The following ZNF282 variants were observed in gnomAD, a reference collection of about 807,000 sequenced individuals.
The protein encoded by ZNF282 is zinc finger protein 282.
Under a neutral mutation model 61.9 loss-of-function variants are expected in ZNF282, and 30 were observed. The observed-to-expected ratio is 0.48, with a 90% confidence interval of 0.36 to 0.66. The LOEUF is 0.66. Among genes scored for constraint, ZNF282 ranks in the 30% least tolerant of loss-of-function variants. The pLI is 0.00. For missense variants in ZNF282, 788 were observed against 941.4 expected (o/e 0.84, Z 2.13); for synonymous variants, 396 against 405.0 (o/e 0.98, Z 0.27).
chr7:149,224,176 C>G lies in ZNF282; in HGVS notation c.1545C>G (p.Ser515Arg). Residue 515 changes from serine to arginine, a missense_variant, in exon 8 of 8, where the codon AGC (serine) becomes AGG (arginine). By Grantham distance (110) the Ser-to-Arg change is moderately radical (BLOSUM62 -1). Transcript: ENST00000610704. ...RRSLLLHGAR[S>R]KPYSCPECGK... ...GCCTCCTCCTGCACGGCGCCCGCAG[C>G]AAGCCCTACTCGTGCCCCGAGTGCG... 6.3e-7 allele frequency: 1 copy of G among 1,598,388 alleles called. No individual in the cohort carries two copies. The highest frequency in any genetic ancestry group is 8.5e-7 in the Non-Finnish European group (1 of 1,177,324).
chr7:149,223,863 A>G lies in ZNF282; in HGVS notation c.1232A>G (p.Gln411Arg). The G allele has an allele frequency of 7.4e-7, 1 of 1,349,626 alleles. No individual in the cohort carries two copies. The highest frequency in any genetic ancestry group is 3.2e-5 in the East Asian group (1 of 31,526). 83.6% of individuals were successfully genotyped at this position (1,349,626 alleles called of 1,614,324 possible). Residue 411 changes from glutamine to arginine, a missense_variant, in exon 8 of 8, where the codon CAG becomes CGG. Coordinates refer to ENST00000610704, the MANE Select transcript of ZNF282 (RefSeq NM_003575.4). ...CCACCCCCGGCCCCGCCACAGCCCC[A>G]GCCCCAGCCCCAGCCACCGCAGCCG... ...KNPPPAPPQP[Q>R]PQPQPPQPQL...
In ZNF282 at chr7:149,226,034, GGGCAGCC is replaced by G. The variant is rs1796367657; in HGVS notation, c.*1392_*1398del. ...CGTTCCTCCCAGCCGGGATCACAGT[GGGCAGCC>G]GGCACCCGGCACCACTTTGGCGAGC... On this transcript the variant is annotated 3_prime_UTR_variant, in exon 8 of 8. Coordinates refer to ENST00000610704, the MANE Select transcript of ZNF282 (RefSeq NM_003575.4). 2 of 152,664 alleles carry G rather than the reference GGGCAGCC, an allele frequency of 1.3e-5. No individual in the cohort carries two copies. The highest frequency in any genetic ancestry group is 4.1e-4 in the South Asian group (2 of 4,836). The allele number at this position is 152,664 out of a possible 1,614,324, so 9.5% of individuals were successfully genotyped here. A position where few individuals can be genotyped will look rare whatever the true frequency, so the allele number is the denominator to read the frequency against.
chr7:149,214,417 G>C (rs970072395), intron 7 of ZNF282, among the ~76,000 whole-genome samples: 1 of 152,172 alleles, frequency 6.6e-6, no homozygotes, highest in African/African-American at 2.4e-5. Flanking sequence ...TTGGTGGGGA[G>C]GGGGGAAGGC....
intron 1 of ZNF282, among the ~76,000 whole-genome samples, chr7:149,196,871 T>G (rs1380957531): frequency 6.6e-6 from 1 of 152,080 alleles, no homozygotes; most frequent in Admixed American, 6.5e-5. Context: ...CCGGAGCAGG[T>G]CTGCCCCGGA....
At chr7:149,196,453 G>A (rs1422340078) in intron 1 of ZNF282, among the ~76,000 whole-genome samples, 1 of 152,172 alleles carries the variant, frequency 6.6e-6, no homozygotes, top group African/African-American at 2.4e-5. Context: ...GATGATCTCC[G>A]TGGGCAGAAC....
intron 4 of ZNF282, among the ~76,000 whole-genome samples, chr7:149,208,139 C>T (rs1325635997): frequency 6.6e-6 from 1 of 152,208 alleles, no homozygotes; most frequent in African/African-American, 2.4e-5. Context: ...GTGTTCTCTA[C>T]CTCATTGGAG....
Position 149,195,710 on chromosome 7 carries a change from C to T in ZNF282, c.121C>T (p.Pro41Ser), listed in dbSNP as rs1383529711. 6.4e-7 allele frequency: 1 copy of T among 1,553,666 alleles called. No individual in the cohort carries two copies. The highest frequency in any genetic ancestry group is 1.2e-5 in the South Asian group (1 of 85,054). Residue 41 changes from proline to serine, a missense_variant, in exon 1 of 8, where the codon CCG becomes TCG. By Grantham distance (74) the Pro-to-Ser change is moderately conservative. This residue lies in a region of ZNF282 where 137 missense variants were observed against 135.4 expected (regional missense o/e 1.01). Transcript: ENST00000610704. The part of the protein sequence containing the change: ...LPPEEVCHQE[P>S]ALRGEMAEGM... ...CCCGGAGGAGGTCTGCCACCAGGAG[C>T]CGGCGCTGCGCGGGGAAATGGCCGA... is the stretch of plus-strand genomic sequence containing the variant.
chr7:149,213,932 G>T (rs1165358465), intron 7 of ZNF282, 118 bp downstream of exon 7: 5 of 668,822 alleles, frequency 7.5e-6, no homozygotes, highest in Non-Finnish European at 1.3e-5. Context: ...TTCTGTTGAT[G>T]GCAGCGTTTC....
chr7:149,218,948 G>A (rs1275940126), intron 7 of ZNF282, among the ~76,000 whole-genome samples: 1 of 152,166 alleles, frequency 6.6e-6, no homozygotes, highest in East Asian at 1.9e-4. Flanking sequence ...GTCAGGATGT[G>A]TCACCCTCCC....
chr7:149,197,609 A>T (rs1346486555), intron 1 of ZNF282, among the ~76,000 whole-genome samples: 1 of 152,168 alleles, frequency 6.6e-6, no homozygotes, highest in Non-Finnish European at 1.5e-5. Flanking sequence ...AGTAGCTGGG[A>T]TTACAGGAGC....
intron 2 of ZNF282, among the ~76,000 whole-genome samples, chr7:149,204,756 C>T (rs1372975466): frequency 1.3e-5 from 2 of 152,156 alleles, no homozygotes; most frequent in Non-Finnish European, 2.9e-5. Context: ...GCTTCTGAAG[C>T]AGCCGTGAGA....
chr7:149,206,443 A>C (rs1242347718), intron 2 of ZNF282, among the ~76,000 whole-genome samples: 1 of 152,214 alleles, frequency 6.6e-6, no homozygotes, highest in Admixed American at 6.5e-5. Flanking sequence ...CAGTTGACCT[A>C]AAAGTGAAAT....
chr7:149,222,505 C>T (rs1361234614), intron 7 of ZNF282, among the ~76,000 whole-genome samples: 1 of 152,104 alleles, frequency 6.6e-6, no homozygotes, highest in African/African-American at 2.4e-5. Flanking sequence ...TGAGCATTGT[C>T]AGTGTGTGTG....
At chr7:149,199,248 T>A (rs1585559395) in intron 2 of ZNF282, among the ~76,000 whole-genome samples, 2 of 152,188 alleles carry the variant, frequency 1.3e-5, no homozygotes, top group Admixed American at 1.3e-4. Flanking sequence ...CCTCTCCTGC[T>A]TTCCTCCCGG....
At chr7:149,214,448 A>T (rs1434060663) in intron 7 of ZNF282, among the ~76,000 whole-genome samples, 1 of 151,882 alleles carries the variant, frequency 6.6e-6, no homozygotes, top group African/African-American at 2.4e-5. Context: ...CCTTTATGGC[A>T]GGGAGGGGAG....
intron 1 of ZNF282, among the ~76,000 whole-genome samples, chr7:149,196,348 G>A (rs1795816222): frequency 1.3e-5 from 2 of 152,192 alleles, no homozygotes; most frequent in South Asian, 4.1e-4. Context: ...GGAATGGCCT[G>A]GGCAGCTTTT....
At chr7:149,221,282 A>G (rs1260204143) in intron 7 of ZNF282, among the ~76,000 whole-genome samples, 1 of 152,220 alleles carries the variant, frequency 6.6e-6, no homozygotes, top group East Asian at 1.9e-4. Context: ...AGGCAAGCAC[A>G]ACGGCGGAGC....
intron 7 of ZNF282, among the ~76,000 whole-genome samples, chr7:149,215,662 C>T (rs376108884): frequency 1.3e-5 from 2 of 152,088 alleles, no homozygotes; most frequent in Admixed American, 6.6e-5. Context: ...TTGGCAGGAA[C>T]GAGATAGGAA....
In ZNF282 at chr7:149,223,809, C is replaced by A; in HGVS notation, c.1181-3C>A. 1 of 1,497,112 alleles carries A rather than the reference C, an allele frequency of 6.7e-7. No homozygotes were observed. Among genetic ancestry groups the A allele is most frequent in the Non-Finnish European group, 8.8e-7 (1 of 1,132,020 alleles). The allele number at this position is 1,497,112 out of a possible 1,614,324, so 92.7% of individuals were successfully genotyped here. On this transcript the variant is annotated splice_polypyrimidine_tract_variant and splice_region_variant and intron_variant, in intron 7 of 7. Coordinates refer to ENST00000610704, the MANE Select transcript of ZNF282 (RefSeq NM_003575.4). ...AGCATGTCACTTCTTCCTATCTCCC[C>A]AGGTGACAGCCTGCTGATGGTGAAG... is the stretch of plus-strand genomic sequence containing the variant.
Sources: gnomAD v4.1 joint callset for allele counts (sites outside exome capture counted in the v4.1 genomes callset) on GRCh38, gnomAD v4.1.1 for gene constraint, gnomAD v4.1.1 regional missense constraint, MANE v1.5 for transcripts, NCBI Gene and HGNC (gene_info 2026-07-23, HGNC 2026-07-21) for gene names.